Variants in TDRD9 observed in about 807,000 individuals in gnomAD.
The protein encoded by TDRD9 is tudor domain containing 9, also known as ATP-dependent RNA helicase TDRD9.
A neutral mutation model predicts 172.6 loss-of-function variants in TDRD9; 124 were observed. The observed-to-expected ratio is 0.72, with a 90% confidence interval of 0.62 to 0.83. The LOEUF (loss-of-function observed/expected upper bound fraction) is 0.83, where lower values mean the gene tolerates loss of function less well. TDRD9 is among the 40% of genes least tolerant of loss of function. TDRD9 has a pLI of 0.00. For missense variants in TDRD9, 1,479 were observed against 1,714.1 expected, an observed-to-expected ratio of 0.86 and a Z score of 2.42; for synonymous variants, 619 against 617.1, an observed-to-expected ratio of 1.00 and a Z score of -0.05.
chr14:103,992,978 AT>A (rs1258365028), intron 9 of TDRD9, among the ~76,000 whole-genome samples: 2 of 145,584 alleles, frequency 1.4e-5, no homozygotes, highest in Non-Finnish European at 3.0e-5. Context: ...ACTCTATTTT[AT>A]TTATTTTTTA....
At chr14:104,021,170 C>T (rs140809509) in intron 23 of TDRD9, among the ~76,000 whole-genome samples, 16 of 151,916 alleles carry the variant, frequency 1.1e-4, no homozygotes, top group Admixed American at 5.9e-4. Flanking sequence ...ATGGCTGGAG[C>T]GAAAGGAAGA....
At position 103,928,611 on chromosome 14, in the gene TDRD9, AG is replaced by A; in HGVS notation, c.106del (p.Ala36ArgfsTer46). On this transcript the variant is annotated frameshift_variant, in exon 1 of 36. Transcript: ENST00000409874. LOFTEE classifies it high-confidence loss of function. The part of the protein sequence containing the change: ...LLGAPPAFPA[G>X]AAREEVQRQD... ...TGGGCGCGCCGCCCGCCTTCCCGGC[AG>A]GGGCGGCCAGGGAGGAGGTGCAGCG... The A allele has an allele frequency of 7.5e-7, 1 of 1,327,010 alleles. No homozygotes were observed. The highest frequency in any genetic ancestry group is 9.8e-7 in the Non-Finnish European group (1 of 1,021,164). 82.2% of individuals were successfully genotyped at this position (1,327,010 alleles called of 1,614,324 possible).
At chr14:103,968,822 C>T (rs756323716) in intron 5 of TDRD9, among the ~76,000 whole-genome samples, 30 of 112,798 alleles carry the variant, frequency 2.7e-4, no homozygotes, top group South Asian at 1.5e-3. Flanking sequence ...GTAGCTTGGC[C>T]GGGTGCGGTG....
At chr14:104,044,238 C>A (rs1351555540) in intron 34 of TDRD9, among the ~76,000 whole-genome samples, 1 of 152,146 alleles carries the variant, frequency 6.6e-6, no homozygotes. Context: ...TTTTCCTTGG[C>A]GACTCCAAGA....
rs750892025 is a variant in TDRD9 at position 104,049,110 on chromosome 14, GTATGTA to G, written c.3975-496_3975-491del. Reference sequence around the variant, plus strand: ...ATGGTTGTTGTTGGTATGTATGTATGTATGTATGTATGTGTGTGTGTGTGTGTGTGT... The same window carrying G: ...ATGGTTGTTGTTGGTATGTATGTATGTGTATGTGTGTGTGTGTGTGTGTGT... On this transcript the variant is annotated intron_variant, in intron 34 of 35. Transcript: ENST00000409874. 2.9e-3 allele frequency among the ~76,000 whole-genome samples: 149 copies of G among 52,248 alleles called. 1 individual carries two copies. Among genetic ancestry groups the G allele is most frequent in the South Asian group, 0.022 (20 of 922 alleles). 34.3% of individuals were successfully genotyped at this position (52,248 alleles called of 152,430 possible).
chr14:103,966,688 T>C, intron 4 of TDRD9, 21 bp from the exon 5 acceptor site: 1 of 1,510,036 alleles, frequency 6.6e-7, no homozygotes, highest in South Asian at 1.3e-5. Context: ...TTTCCTTTCC[T>C]TTTTCCTTCT....
intron 12 of TDRD9, among the ~76,000 whole-genome samples, chr14:103,998,058 G>A (rs1001985049): frequency 2.0e-5 from 3 of 152,038 alleles, no homozygotes; most frequent in Non-Finnish European, 4.4e-5. Flanking sequence ...TGTGTGAGGG[G>A]GAAAGGTGTG....
chr14:103,966,875 T>TA (rs535644524), intron 5 of TDRD9, 44 bp downstream of exon 5: 6 of 1,509,710 alleles, frequency 4.0e-6, no homozygotes, highest in Admixed American at 4.2e-5. Context: ...TTATCTCTCT[T>TA]AAAAAAACTC....
chr14:104,051,840 G>T (rs946329039), intron 35 of TDRD9, 141 bp from the exon 36 acceptor site: 27 of 552,522 alleles, frequency 4.9e-5, no homozygotes, highest in South Asian at 3.9e-4. Context: ...AGTATGAAGT[G>T]TGAGAGTAGA....
At chr14:103,992,211 T>C (rs2033895302) in intron 9 of TDRD9, among the ~76,000 whole-genome samples, 1 of 152,252 alleles carries the variant, frequency 6.6e-6, no homozygotes, top group African/African-American at 2.4e-5. Flanking sequence ...AATTACTTGA[T>C]GTTTAATTCA....
chr14:103,975,532 G>A lies in TDRD9; in HGVS notation c.990G>A (p.Leu330=). The change falls in exon 7 of 36, where the codon TTG becomes TTA. Residue 330 remains leucine (L), a synonymous_variant. Transcript: ENST00000409874. ...TTGAAGAGTATTATCTTAATGATTTGGAGCACATTCATCATAGCAAGGTAT... is the reference window on the plus strand; with the variant it reads ...TTGAAGAGTATTATCTTAATGATTTAGAGCACATTCATCATAGCAAGGTAT... ...HSVEEYYLND[L]EHIHHSKLSP... 1 of 1,609,718 alleles carries A rather than the reference G, an allele frequency of 6.2e-7. No homozygotes were observed. The highest frequency in any genetic ancestry group is 1.7e-5 in the Admixed American group (1 of 59,386).
At chr14:104,019,108 A>G (rs2034876924) in intron 23 of TDRD9, among the ~76,000 whole-genome samples, 3 of 152,198 alleles carry the variant, frequency 2.0e-5, no homozygotes, top group Admixed American at 1.3e-4. Context: ...AATTATAGTA[A>G]GATTCTTAGT....
intron 22 of TDRD9, among the ~76,000 whole-genome samples, chr14:104,016,665 C>T (rs1266184573): frequency 3.3e-5 from 5 of 152,168 alleles, no homozygotes; most frequent in Admixed American, 1.3e-4. Flanking sequence ...ATTGAATCAG[C>T]GTTTGCAACC....
At chr14:103,955,820 A>G in intron 2 of TDRD9, 50 bp downstream of exon 2, 3 of 1,438,894 alleles carry the variant, frequency 2.1e-6, no homozygotes, top group South Asian at 1.2e-5. Context: ...AGTGGTTCAC[A>G]TGCTAAAATA....
At chr14:103,960,547 C>T (rs529582633) in intron 2 of TDRD9, among the ~76,000 whole-genome samples, 8 of 152,052 alleles carry the variant, frequency 5.3e-5, no homozygotes, top group South Asian at 2.1e-4. Context: ...TTAAATTATC[C>T]GTGATGGATT....
At chr14:104,047,654 C>T (rs1030726855) in intron 34 of TDRD9, among the ~76,000 whole-genome samples, 3 of 152,318 alleles carry the variant, frequency 2.0e-5, no homozygotes, top group South Asian at 2.1e-4. Flanking sequence ...CGTGCTGACA[C>T]GGTCGATACG....
At chr14:103,966,606 TA>T in intron 4 of TDRD9, 102 bp from the exon 5 acceptor site, 1 of 1,133,820 alleles carries the variant, frequency 8.8e-7, no homozygotes, top group Non-Finnish European at 1.2e-6. Flanking sequence ...TCTTTCGAAA[TA>T]CCTTAATTTT....
chr14:104,003,489 T>C (rs1462432792), intron 13 of TDRD9, among the ~76,000 whole-genome samples: 1 of 152,238 alleles, frequency 6.6e-6, no homozygotes, highest in African/African-American at 2.4e-5. Context: ...CCCTTCTAGA[T>C]AGATATCTTT....
At chr14:103,994,478 TATCTATTCTTTATGGAGA>T in intron 10 of TDRD9, 23 bp from the exon 11 acceptor site, 4 of 1,606,496 alleles carry the variant, frequency 2.5e-6, no homozygotes, top group Non-Finnish European at 2.6e-6. Context: ...ATCTCATGTA[TATCTATTCTTTATGGAGA>T]TTTTATTTTA....
Sources: gnomAD v4.1 joint callset for allele counts (sites outside exome capture counted in the v4.1 genomes callset) on GRCh38, gnomAD v4.1.1 for gene constraint, MANE v1.5 for transcripts, NCBI Gene and HGNC (gene_info 2026-07-23, HGNC 2026-07-21) for gene names.